The following PARD3B variants were observed in gnomAD, a reference collection of about 807,000 sequenced individuals.
The protein encoded by PARD3B is partitioning defective 3 homolog B.
PARD3B carries 103 observed loss-of-function variants against 130.2 expected under a neutral mutation model. The observed-to-expected ratio is 0.79, with a 90% CI of 0.67 to 0.93. PARD3B has a LOEUF of 0.93. PARD3B is among the 40% of genes least tolerant of loss of function. PARD3B has a pLI of 0.00. For missense variants in PARD3B, 1,609 were observed against 1,499.2 expected (o/e 1.07, Z -1.21); for synonymous variants, 583 against 553.2 (o/e 1.05, Z -0.76).
intron 10 of PARD3B, among the ~76,000 whole-genome samples, chr2:205,134,215 A>G (rs1559472590): frequency 1.3e-5 from 2 of 152,124 alleles, no homozygotes; most frequent in Non-Finnish European, 2.9e-5. Context: ...CCTTACCAGC[A>G]TTTACATCGT....
At chr2:204,855,239 A>G (rs956813174) in intron 2 of PARD3B, among the ~76,000 whole-genome samples, 15 of 152,094 alleles carry the variant, frequency 9.9e-5, no homozygotes, top group Non-Finnish European at 1.8e-4. Context: ...ACATGATCAC[A>G]TGTAACCTGA....
At chr2:204,836,494 C>T (rs1020221582) in intron 2 of PARD3B, among the ~76,000 whole-genome samples, 1 of 152,040 alleles carries the variant, frequency 6.6e-6, no homozygotes, top group Non-Finnish European at 1.5e-5. Flanking sequence ...AAAACCCCGT[C>T]TCTACTAAAA....
At chr2:205,174,053 AG>A in intron 12 of PARD3B, among the ~76,000 whole-genome samples, 1 of 152,370 alleles carries the variant, frequency 6.6e-6, no homozygotes, top group East Asian at 1.9e-4. Context: ...AAGTTAAAAA[AG>A]AAATGACTAT....
chr2:205,521,164 TATTAAA>T (rs1442992905), intron 21 of PARD3B, among the ~76,000 whole-genome samples: 6 of 152,086 alleles, frequency 3.9e-5, no homozygotes, highest in Admixed American at 2.0e-4. Flanking sequence ...AGAGCAACCC[TATTAAA>T]ATTGAGTGTT....
intron 3 of PARD3B, among the ~76,000 whole-genome samples, chr2:205,033,491 G>A (rs553117933): frequency 3.3e-5 from 5 of 152,022 alleles, no homozygotes; most frequent in South Asian, 2.1e-4. Context: ...TTTTCTAACC[G>A]TATTCTGTAG....
At chr2:205,396,743 A>G (rs1215173250) in intron 18 of PARD3B, among the ~76,000 whole-genome samples, 2 of 152,238 alleles carry the variant, frequency 1.3e-5, no homozygotes, top group Non-Finnish European at 2.9e-5. Context: ...CACCTAGCCC[A>G]GAATTGCCAA....
At chr2:205,417,350 T>C (rs1190576429) in intron 19 of PARD3B, among the ~76,000 whole-genome samples, 2 of 152,148 alleles carry the variant, frequency 1.3e-5, no homozygotes, top group African/African-American at 4.8e-5. Flanking sequence ...TTGGGTTGGT[T>C]CCAAGTCTTT....
intron 16 of PARD3B, among the ~76,000 whole-genome samples, chr2:205,254,667 T>C (rs1028545104): frequency 6.8e-6 from 1 of 146,396 alleles, no homozygotes; most frequent in African/African-American, 2.7e-5. Context: ...TTATTTTATT[T>C]TATTTTTTTT....
Position 205,036,923 on chromosome 2 carries a change from TA to T in PARD3B, c.395-10652del, listed in dbSNP as rs950883321. Among the ~76,000 whole-genome samples, 21 of 150,136 alleles carry T rather than the reference TA, an allele frequency of 1.4e-4. 1 individual carries two copies. Among genetic ancestry groups the T allele is most frequent in the African/African-American group, 4.6e-4 (19 of 40,994 alleles). ...GAACATATATAGCGGACTGTATATA[TA>T]AAAAACATATAGTGGACTGTATATA... On this transcript the variant is annotated intron_variant, in intron 3 of 22. Transcript: ENST00000406610.
chr2:205,101,666 G>A (rs970334714), intron 4 of PARD3B, among the ~76,000 whole-genome samples: 11 of 152,098 alleles, frequency 7.2e-5, no homozygotes, highest in African/African-American at 2.7e-4. Flanking sequence ...AACTTAGTGT[G>A]GTATATCCAT....
chr2:204,660,465 G>A (rs2035768607), intron 1 of PARD3B, among the ~76,000 whole-genome samples: 1 of 152,148 alleles, frequency 6.6e-6, no homozygotes, highest in Non-Finnish European at 1.5e-5. Flanking sequence ...GCGGGGTGTG[G>A]TGGCCTATGA....
At chr2:205,516,784 G>A (rs2050808026) in intron 21 of PARD3B, among the ~76,000 whole-genome samples, 3 of 151,434 alleles carry the variant, frequency 2.0e-5, no homozygotes, top group Non-Finnish European at 4.4e-5. Context: ...TGCTCTGGCT[G>A]GGACTTCCAA....
rs1553500277 is a variant in PARD3B at position 205,383,101 on chromosome 2, T to TAGATAGATAGATAGATAGATAGAG, written c.2631-17889_2631-17888insGAGATAGATAGATAGATAGATAGA. 2.1e-3 allele frequency among the ~76,000 whole-genome samples: 273 copies of TAGATAGATAGATAGATAGATAGAG among 132,424 alleles called. 1 individual carries two copies. Among genetic ancestry groups the TAGATAGATAGATAGATAGATAGAG allele is most frequent in the Non-Finnish European group, 2.7e-3 (160 of 58,942 alleles). 86.9% of individuals were successfully genotyped at this position (132,424 alleles called of 152,430 possible). ...AAGTTTACATAGATAGATAGATAGATAGATAGATAGATAGATAGATAGATA... is the reference window on the plus strand; with the variant it reads ...AAGTTTACATAGATAGATAGATAGATAGATAGATAGATAGATAGATAGAGAGATAGATAGATAGATAGATAGATA... On this transcript the variant is annotated intron_variant, in intron 18 of 22. Coordinates refer to ENST00000406610, the MANE Select transcript of PARD3B (RefSeq NM_001302769.2).
At chr2:204,917,265 A>G (rs2047481263) in intron 2 of PARD3B, among the ~76,000 whole-genome samples, 1 of 152,176 alleles carries the variant, frequency 6.6e-6, no homozygotes, top group Non-Finnish European at 1.5e-5. Flanking sequence ...AGAAGCAGCT[A>G]TGGAAGGATC....
At position 205,592,442 on chromosome 2, in the gene PARD3B, T is replaced by C. The variant is rs1168649338; in HGVS notation, c.3261-23014T>C. Among the ~76,000 whole-genome samples the C allele has an allele frequency of 6.6e-6, 1 of 152,168 alleles. No individual in the cohort carries two copies. Among genetic ancestry groups the C allele is most frequent in the Non-Finnish European group, 1.5e-5 (1 of 68,030 alleles). ...GGAATCTCCAGCGAACATCCACTAATAAACTTTATATTGGGTGCCTACCAT... is the reference window on the plus strand; with the variant it reads ...GGAATCTCCAGCGAACATCCACTAACAAACTTTATATTGGGTGCCTACCAT... On this transcript the variant is annotated intron_variant, in intron 22 of 22. Coordinates refer to ENST00000406610, the MANE Select transcript of PARD3B (RefSeq NM_001302769.2). The surrounding 1 kb of genome is among the most constrained non-coding windows in gnomAD (Gnocchi z 4.5).
At chr2:205,502,686 C>A (rs1234596255) in intron 21 of PARD3B, among the ~76,000 whole-genome samples, 1 of 152,048 alleles carries the variant, frequency 6.6e-6, no homozygotes, top group Non-Finnish European at 1.5e-5. Context: ...AACAACTACT[C>A]GTAAACCCAT....
intron 1 of PARD3B, among the ~76,000 whole-genome samples, chr2:204,655,650 C>T (rs2035614509): frequency 6.6e-6 from 1 of 152,084 alleles, no homozygotes; most frequent in Non-Finnish European, 1.5e-5. Context: ...TTTAGTTGTC[C>T]TATGATGTGA....
intron 10 of PARD3B, among the ~76,000 whole-genome samples, chr2:205,155,604 T>G (rs2034067446): frequency 6.6e-6 from 1 of 152,166 alleles, no homozygotes; most frequent in Admixed American, 6.5e-5. Flanking sequence ...CACATCATAG[T>G]TTATCTATAG....
intron 5 of PARD3B, among the ~76,000 whole-genome samples, chr2:205,109,941 A>C (rs902078533): frequency 1.3e-5 from 2 of 152,150 alleles, no homozygotes. Context: ...GACGTGAGCC[A>C]ACGCGCCTGG....
Sources: gnomAD v4.1 joint callset for allele counts (sites outside exome capture counted in the v4.1 genomes callset) on GRCh38, gnomAD v4.1.1 for gene constraint, Gnocchi (gnomAD v3.1) non-coding constraint, MANE v1.5 for transcripts, NCBI Gene and HGNC (gene_info 2026-07-23, HGNC 2026-07-21) for gene names.